Variants in PHGDH observed in about 807,000 individuals in gnomAD.
PHGDH encodes the protein D-3-phosphoglycerate dehydrogenase.
PHGDH carries 50 observed loss-of-function variants against 52.6 expected under a neutral mutation model. That is an observed-to-expected ratio of 0.95 (90% CI 0.76 to 1.20). PHGDH has a LOEUF of 1.20. PHGDH is among the 50% of genes most tolerant of loss of function. PHGDH has a pLI of 0.00. For missense variants in PHGDH, 630 were observed against 684.6 expected, an observed-to-expected ratio of 0.92 and a Z score of 0.89; for synonymous variants, 271 against 280.5, an observed-to-expected ratio of 0.97 and a Z score of 0.34.
chr1:119,743,861 A>T (rs1322042724), intron 11 of PHGDH, 25 bp from the exon 12 acceptor site: 2 of 1,604,124 alleles, frequency 1.2e-6, no homozygotes, highest in Non-Finnish European at 1.7e-6. Flanking sequence ...CCCCTGTGCC[A>T]ACCAGGAGTT....
rs745641174 is a variant in PHGDH, at chr1:119,741,906, C to T, written c.1209+9C>T. ...AAGAGGCTGGCCTCAATGTGCGCCC[C>T]TCTCCCCCACGCTGCCTCCCCATCC... On this transcript the variant is annotated intron_variant, in intron 10 of 11. Coordinates refer to ENST00000641023, the MANE Select transcript of PHGDH (RefSeq NM_006623.4). The T allele has an allele frequency of 1.1e-5, 17 of 1,611,506 alleles. 2 individuals are homozygous for T. In the South Asian group the frequency reaches 1.9e-4, roughly 18 times the overall value.
rs1013027843 is a variant in PHGDH at position 119,726,885 on chromosome 1, G to A, written c.391G>A (p.Gly131Ser). ...CCAGGCGACGGCTTCGATGAAGGAC[G>A]GCAAATGGGAGCGGAAGAAGGTGAG... ...IPQATASMKD[G>S]KWERKKFMGT... Residue 131 changes from glycine (G) to serine (S), a missense_variant, in exon 4 of 12, where the codon GGC becomes AGC. Coordinates refer to ENST00000641023, the MANE Select transcript of PHGDH (RefSeq NM_006623.4). 11 of 1,614,066 alleles carry A rather than the reference G, an allele frequency of 6.8e-6. No individual in the cohort carries two copies. The highest frequency in any genetic ancestry group is 6.7e-5 in the Admixed American group (4 of 60,006).
At position 119,711,996 on chromosome 1, in the gene PHGDH, C is replaced by A. The variant is rs141640017; in HGVS notation, c.-27C>A. 3 of 1,613,056 alleles carry A rather than the reference C, an allele frequency of 1.9e-6. No homozygotes were observed. In the East Asian group the frequency reaches 6.7e-5, roughly 36 times the overall value. On this transcript the variant is annotated 5_prime_UTR_variant, in exon 1 of 12. Transcript: ENST00000641023. ...TTGGCTTAGGTACTTCTACTCACAG[C>A]GGCCGATTCCGAGGCCAACTCCAGC...
intron 1 of PHGDH, among the ~76,000 whole-genome samples, chr1:119,713,670 C>G (rs894966998): frequency 4.6e-5 from 7 of 152,180 alleles, no homozygotes; most frequent in Non-Finnish European, 1.0e-4. Context: ...CTCCTCACAT[C>G]TGTCACCTCC....
intron 10 of PHGDH, 102 bp downstream of exon 10, chr1:119,741,999 C>A: frequency 1.0e-6 from 1 of 998,466 alleles, no homozygotes; most frequent in East Asian, 2.5e-5. Flanking sequence ...TAGGTCCCAG[C>A]CTTGCATCGG....
chr1:119,718,516 G>A (rs1245162692), intron 1 of PHGDH, among the ~76,000 whole-genome samples: 3 of 152,202 alleles, frequency 2.0e-5, no homozygotes, highest in African/African-American at 7.2e-5. Flanking sequence ...ATCTTGGCAG[G>A]TCTACCAACT....
chr1:119,731,994 G>A (rs1360856388), intron 5 of PHGDH, among the ~76,000 whole-genome samples: 1 of 152,160 alleles, frequency 6.6e-6, no homozygotes, highest in Non-Finnish European at 1.5e-5. Context: ...AGCAGGTGGT[G>A]GCACATTGAG....
chr1:119,729,854 T>C (rs523395), intron 5 of PHGDH: 96,609 of 152,054 alleles, frequency 0.64, 31,752 homozygotes, highest in East Asian at 0.95. Flanking sequence ...ATTCCCAGCA[T>C]GGTGTGGAGG....
intron 1 of PHGDH, among the ~76,000 whole-genome samples, chr1:119,718,720 C>T (rs376407743): frequency 5.9e-5 from 9 of 152,162 alleles, no homozygotes; most frequent in Admixed American, 2.0e-4. Flanking sequence ...GGTGTAATGC[C>T]TAGTACCCAG....
chr1:119,738,561 G>C (rs1005496251), intron 8 of PHGDH, among the ~76,000 whole-genome samples: 3 of 152,348 alleles, frequency 2.0e-5, no homozygotes, highest in Admixed American at 6.5e-5. Flanking sequence ...GTTCCTCCCA[G>C]GAGATGCTGC....
At position 119,735,049 on chromosome 1, in the gene PHGDH, C is replaced by T. The variant is rs1185287581; in HGVS notation, c.644-246C>T. 4.0e-5 allele frequency: 25 copies of T among 631,646 alleles called. No homozygotes were observed. In the East Asian group the frequency reaches 6.3e-4, roughly 16 times the overall value. 39.1% of individuals were successfully genotyped at this position (631,646 alleles called of 1,614,324 possible). ...CAGGGCTTTCTGATTCCCAGACCCA[C>T]TTGAAACAGTAATATCTCAAGAATT... On this transcript the variant is annotated intron_variant, in intron 6 of 11. Coordinates refer to ENST00000641023, the MANE Select transcript of PHGDH (RefSeq NM_006623.4).
chr1:119,721,482 T>C, intron 2 of PHGDH, 161 bp downstream of exon 2: 1 of 669,286 alleles, frequency 1.5e-6, no homozygotes. Flanking sequence ...ACACACAGCA[T>C]AGTGGTTTCA....
At chr1:119,731,926 G>C (rs587664934) in intron 5 of PHGDH, among the ~76,000 whole-genome samples, 3 of 152,166 alleles carry the variant, frequency 2.0e-5, no homozygotes, top group African/African-American at 4.8e-5. Context: ...CAAGAGCCTC[G>C]GGTTCTGGCA....
chr1:119,741,705 C>T lies in PHGDH; in HGVS notation c.1079-62C>T, dbSNP rs879022505. On this transcript the variant is annotated intron_variant, in intron 9 of 11. Coordinates refer to ENST00000641023, the MANE Select transcript of PHGDH (RefSeq NM_006623.4). ...GTCCAGAGCTAGGTGCCAGTGGCTT[C>T]CTGCCCCCTCCTGTAGTGCTCAACA... 380 of 1,520,040 alleles carry T rather than the reference C, an allele frequency of 2.5e-4. 2 individuals carry two copies. The African/African-American group carries it at 4.3e-3, about 17-fold the overall frequency. 94.2% of individuals were successfully genotyped at this position (1,520,040 alleles called of 1,614,324 possible). A position where few individuals can be genotyped will look rare whatever the true frequency, so the allele number is the denominator to read the frequency against.
In PHGDH at chr1:119,712,012, C is replaced by T. The variant is rs886045203; in HGVS notation, c.-11C>T. 6.2e-7 allele frequency: 1 copy of T among 1,613,888 alleles called. No individual in the cohort carries two copies. On this transcript the variant is annotated 5_prime_UTR_variant, in exon 1 of 12. Coordinates refer to ENST00000641023, the MANE Select transcript of PHGDH (RefSeq NM_006623.4). ...TACTCACAGCGGCCGATTCCGAGGC[C>T]AACTCCAGCAATGGCTTTTGCAAAT... is the stretch of plus-strand genomic sequence containing the variant.
intron 7 of PHGDH, 98 bp downstream of exon 7, chr1:119,735,541 G>T: frequency 8.2e-7 from 1 of 1,224,014 alleles, no homozygotes; most frequent in Non-Finnish European, 1.2e-6. Flanking sequence ...AAAGCCTCTA[G>T]CTTATTGTCT....
Position 119,723,303 on chromosome 1 carries a change from G to A in PHGDH, c.291-73G>A, listed in dbSNP as rs112968275. Reference sequence around the variant, plus strand: ...GTGAGAGAACACAGCCTGCACTCAAGGCTTTCTCTTGGGGAAGGAGTGGGA... The same window carrying A: ...GTGAGAGAACACAGCCTGCACTCAAAGCTTTCTCTTGGGGAAGGAGTGGGA... On this transcript the variant is annotated intron_variant, in intron 2 of 11. Transcript: ENST00000641023. The A allele has an allele frequency of 2.7e-3, 3,239 of 1,188,940 alleles. 58 individuals carry two copies. The African/African-American group carries it at 0.042, about 15-fold the overall frequency. The allele number at this position is 1,188,940 out of a possible 1,614,324, so 73.6% of individuals were successfully genotyped here. A position where few individuals can be genotyped will look rare whatever the true frequency, so the allele number is the denominator to read the frequency against.
intron 11 of PHGDH, 24 bp downstream of exon 11, chr1:119,743,068 G>C: frequency 6.7e-7 from 1 of 1,490,304 alleles, no homozygotes; most frequent in Non-Finnish European, 9.4e-7. Context: ...TGTAGGGCTG[G>C]CTGGTGTCCT....
intron 5 of PHGDH, among the ~76,000 whole-genome samples, chr1:119,727,848 A>G (rs587710498): frequency 8.5e-5 from 13 of 152,120 alleles, no homozygotes; most frequent in Non-Finnish European, 1.8e-4. Flanking sequence ...AACAGAAACA[A>G]AAACAAAAAC....
Sources: allele counts gnomAD v4.1 joint callset (sites outside exome capture counted in the v4.1 genomes callset), GRCh38; gene constraint gnomAD v4.1.1; transcripts MANE v1.5; gene names NCBI Gene and HGNC (gene_info 2026-07-23, HGNC 2026-07-21).